Variants in SVIL observed in about 807,000 individuals in gnomAD.
The protein encoded by SVIL is archvillin.
Under a neutral mutation model 240.4 loss-of-function variants are expected in SVIL, and 101 were observed. The observed-to-expected ratio is 0.42, with a 90% CI of 0.36 to 0.50. SVIL has a LOEUF of 0.50. Among genes scored for constraint, SVIL ranks in the 20% least tolerant of loss-of-function variants. SVIL has a pLI of 0.01. For missense variants in SVIL, 2,512 were observed against 2,818.7 expected, an observed-to-expected ratio of 0.89 and a Z score of 2.46; for synonymous variants, 999 against 1,100.0, an observed-to-expected ratio of 0.91 and a Z score of 1.82.
At chr10:29,468,870 T>G (rs1945236869) in intron 32 of SVIL, 1 of 152,118 alleles carries the variant, frequency 6.6e-6, no homozygotes, top group African/African-American at 2.4e-5. Flanking sequence ...ACACACATTT[T>G]TATACAGAAC....
At chr10:29,592,644 C>T (rs1465519359) in intron 1 of SVIL, among the ~76,000 whole-genome samples, 2 of 152,074 alleles carry the variant, frequency 1.3e-5, no homozygotes, top group Admixed American at 1.3e-4. Context: ...AATATTTGAT[C>T]CAAATTAACA....
chr10:29,626,751 G>A lies in SVIL; in HGVS notation c.-201+7669C>T, dbSNP rs569063886. ...TCCAAAATAAAGAATCAGGCTGGGC[G>A]CGGTGGCTCAGGCCTGTAATCCTAG... On this transcript the variant is annotated intron_variant, in intron 1 of 37. Transcript: ENST00000355867. Among the ~76,000 whole-genome samples the A allele has an allele frequency of 5.3e-5, 8 of 152,218 alleles. No individual in the cohort carries two copies. In the East Asian group the frequency reaches 9.6e-4, roughly 18 times the overall value.
intron 1 of SVIL, among the ~76,000 whole-genome samples, chr10:29,615,516 T>C (rs918408086): frequency 6.6e-6 from 1 of 152,224 alleles, no homozygotes; most frequent in African/African-American, 2.4e-5. Flanking sequence ...AGTATAAAAA[T>C]GGAACTATCT....
rs569418439 is a variant in SVIL at position 29,612,941 on chromosome 10, G to T, written c.-201+21479C>A. On this transcript the variant is annotated intron_variant, in intron 1 of 37. Coordinates refer to ENST00000355867, the MANE Select transcript of SVIL (RefSeq NM_021738.3). Reference sequence around the variant, plus strand: ...GCTTGTAATCCCAGCGCTTTGGGAGGCTGAGGTGGGCGGATCACAAGGTCA... The same window carrying T: ...GCTTGTAATCCCAGCGCTTTGGGAGTCTGAGGTGGGCGGATCACAAGGTCA... 4.6e-5 allele frequency among the ~76,000 whole-genome samples: 7 copies of T among 152,224 alleles called. No individual in the cohort carries two copies. In the South Asian group the frequency reaches 1.5e-3, roughly 32 times the overall value.
chr10:29,482,026 T>C lies in SVIL; in HGVS notation c.4956-298A>G, dbSNP rs200444617. Among the ~76,000 whole-genome samples the C allele has an allele frequency of 1.4e-3, 71 of 50,260 alleles. No individual in the cohort carries two copies. In the East Asian group the frequency reaches 0.037, roughly 26 times the overall value. The allele number at this position is 50,260 out of a possible 152,430, so 33.0% of individuals were successfully genotyped here. A position where few individuals can be genotyped will look rare whatever the true frequency, so the allele number is the denominator to read the frequency against. On this transcript the variant is annotated intron_variant, in intron 27 of 37. Transcript: ENST00000355867. Reference sequence around the variant, plus strand: ...CTAGCAAGTTCTTTTCTTTTCTTTTTTTTTTTTTTTTTTTTTTTTAGAGAT... The same window carrying C: ...CTAGCAAGTTCTTTTCTTTTCTTTTCTTTTTTTTTTTTTTTTTTTAGAGAT...
chr10:29,488,286 G>A (rs1947618395), intron 23 of SVIL, among the ~76,000 whole-genome samples: 2 of 152,030 alleles, frequency 1.3e-5, no homozygotes, highest in Admixed American at 6.6e-5. Context: ...GTGGGGCACG[G>A]GGCGCCAGGA....
intron 32 of SVIL, among the ~76,000 whole-genome samples, chr10:29,469,577 G>A (rs1945315322): frequency 6.6e-6 from 1 of 152,252 alleles, no homozygotes; most frequent in Non-Finnish European, 1.5e-5. Flanking sequence ...GAGCCACAGA[G>A]GCAGACCACC....
chr10:29,713,360 T>A (rs1963422110), intron 1 of SVIL, among the ~76,000 whole-genome samples: 2 of 151,962 alleles, frequency 1.3e-5, no homozygotes, highest in South Asian at 4.1e-4. Context: ...AGTGAGGAGT[T>A]ATACAACTAT....
At chr10:29,725,331 G>C (rs1012456049) in intron 1 of SVIL, among the ~76,000 whole-genome samples, 4 of 152,072 alleles carry the variant, frequency 2.6e-5, no homozygotes, top group Non-Finnish European at 5.9e-5. Flanking sequence ...CTTCAAGAGT[G>C]ATAGGTTTCC....
intron 18 of SVIL, among the ~76,000 whole-genome samples, chr10:29,495,966 A>C (rs1199021794): frequency 6.6e-6 from 1 of 152,252 alleles, no homozygotes; most frequent in African/African-American, 2.4e-5. Context: ...CATTTACAAA[A>C]AAACAAAATG....
chr10:29,486,019 T>G (rs1947357839), intron 26 of SVIL, 66 bp downstream of exon 26: 15 of 1,589,306 alleles, frequency 9.4e-6, no homozygotes, highest in Non-Finnish European at 1.2e-5. Context: ...TCTAATCTAT[T>G]GGGCAGCCTG....
rs550575743 is a variant in SVIL, at chr10:29,634,639, G to A, written c.-420C>T. 3.9e-5 allele frequency: 6 copies of A among 152,054 alleles called. No homozygotes were observed. The highest frequency in any genetic ancestry group is 7.2e-5 in the African/African-American group (3 of 41,404). 9.4% of individuals were successfully genotyped at this position (152,054 alleles called of 1,614,324 possible). A position where few individuals can be genotyped will look rare whatever the true frequency, so the allele number is the denominator to read the frequency against. On this transcript the variant is annotated 5_prime_UTR_variant, in exon 1 of 38. The change creates a new upstream start codon in the 5' untranslated region. Coordinates refer to ENST00000355867, the MANE Select transcript of SVIL (RefSeq NM_021738.3). ...AATCCCAAAAGTTAGCCCAAATAGC[G>A]TTGTACAAAATCAAAGATCACGATG... is the stretch of plus-strand genomic sequence containing the variant.
chr10:29,531,705 C>T (rs1269451032), intron 9 of SVIL, among the ~76,000 whole-genome samples: 1 of 152,136 alleles, frequency 6.6e-6, no homozygotes, highest in Non-Finnish European at 1.5e-5. Flanking sequence ...AATCTGGAGT[C>T]TAATTTAACA....
intron 1 of SVIL, among the ~76,000 whole-genome samples, chr10:29,728,978 G>A (rs1056233874): frequency 1.3e-5 from 2 of 152,122 alleles, no homozygotes; most frequent in Admixed American, 6.6e-5. Context: ...TGTCAAAGAG[G>A]GAAACAAACA....
chr10:29,512,704 G>A lies in SVIL; in HGVS notation c.3516+31C>T, dbSNP rs776663068. The A allele has an allele frequency of 2.1e-5, 34 of 1,613,840 alleles. 1 individual carries two copies. In the South Asian group the frequency reaches 2.9e-4, roughly 14 times the overall value. On this transcript the variant is annotated intron_variant, in intron 17 of 37. Coordinates refer to ENST00000355867, the MANE Select transcript of SVIL (RefSeq NM_021738.3). ...TGCACTTCCAAGAGTGATGTTAGTCGGAAGGCTTTTCCTAACATGGGGAAT... is the reference window on the plus strand; with the variant it reads ...TGCACTTCCAAGAGTGATGTTAGTCAGAAGGCTTTTCCTAACATGGGGAAT...
chr10:29,508,426 T>C (rs772047015), intron 17 of SVIL: 95 of 1,288,332 alleles, frequency 7.4e-5, no homozygotes, highest in South Asian at 2.3e-4. Context: ...TGGCAGAGTA[T>C]TGGAAGAGAA....
At chr10:29,463,452 C>T (rs1170271393) in intron 35 of SVIL, 40 bp downstream of exon 35, 1 of 1,598,670 alleles carries the variant, frequency 6.3e-7, no homozygotes, top group Admixed American at 1.7e-5. Flanking sequence ...GGGGCTTCCC[C>T]ATCTGTTCCG....
intron 1 of SVIL, among the ~76,000 whole-genome samples, chr10:29,693,494 C>T (rs1161382475): frequency 1.3e-5 from 2 of 152,082 alleles, no homozygotes; most frequent in African/African-American, 4.8e-5. Flanking sequence ...TTAAACTTTG[C>T]GTTGAAAGGG....
chr10:29,486,129 A>G lies in SVIL; in HGVS notation c.4735T>C (p.Tyr1579His), dbSNP rs1477244231. 7 of 1,614,118 alleles carry G rather than the reference A, an allele frequency of 4.3e-6. No homozygotes were observed. The highest frequency in any genetic ancestry group is 5.9e-6 in the Non-Finnish European group (7 of 1,180,042). Residue 1579 changes from tyrosine to histidine, a missense_variant, in exon 26 of 38, where the codon TAC becomes CAC. Coordinates refer to ENST00000355867, the MANE Select transcript of SVIL (RefSeq NM_021738.3). ...GAGCACTTCGGAATTTTCCCCCAGT[A>G]GTCGTCATCAGGAACAAGTTTGTCA... ...MDDKLVPDDD[Y>H]WGKIPKCSLL... is the part of the protein sequence containing the mutation.
Sources: gnomAD v4.1 joint callset for allele counts (sites outside exome capture counted in the v4.1 genomes callset) on GRCh38, gnomAD v4.1.1 for gene constraint, MANE v1.5 for transcripts, NCBI Gene and HGNC (gene_info 2026-07-23, HGNC 2026-07-21) for gene names.